Variants in SLC35F4 observed in about 807,000 individuals in gnomAD.
The protein encoded by SLC35F4 is solute carrier family 35 member F4.
Under a neutral mutation model 44.2 loss-of-function variants are expected in SLC35F4, and 24 were observed. That is an observed-to-expected ratio of 0.54 (90% CI 0.39 to 0.76). SLC35F4 has a LOEUF of 0.76. Ranked by LOEUF, SLC35F4 falls within the 30% of genes least tolerant of loss-of-function variation. SLC35F4 has a pLI of 0.00. For synonymous variants in SLC35F4, 238 were observed against 223.6 expected (o/e 1.06, Z -0.57); for missense variants, 562 against 586.1 (o/e 0.96, Z 0.42).
At chr14:57,914,344 A>C (rs1466618099) in intron 1 of SLC35F4, among the ~76,000 whole-genome samples, 9 of 151,992 alleles carry the variant, frequency 5.9e-5, no homozygotes, top group Non-Finnish European at 1.2e-4. Flanking sequence ...TGGCCAGATC[A>C]CAAGGTCAGG....
chr14:57,955,683 A>C (rs1285565041), intron 1 of SLC35F4, among the ~76,000 whole-genome samples: 1 of 152,336 alleles, frequency 6.6e-6, no homozygotes, highest in East Asian at 1.9e-4. Context: ...GTGAACTCCC[A>C]TTCACAATTG....
At chr14:57,926,832 C>T (rs1889584468) in intron 1 of SLC35F4, among the ~76,000 whole-genome samples, 1 of 149,320 alleles carries the variant, frequency 6.7e-6, no homozygotes, top group Non-Finnish European at 1.5e-5. Context: ...GAAGATATCA[C>T]CAGTGTTTCC....
intron 1 of SLC35F4, among the ~76,000 whole-genome samples, chr14:57,595,282 T>C (rs984369496): frequency 1.3e-5 from 2 of 152,228 alleles, no homozygotes; most frequent in Non-Finnish European, 2.9e-5. Flanking sequence ...TCATGGATTT[T>C]TCAGGAAGAA....
At chr14:57,761,925 T>G (rs2077134177) in intron 1 of SLC35F4, among the ~76,000 whole-genome samples, 1 of 152,120 alleles carries the variant, frequency 6.6e-6, no homozygotes, top group South Asian at 2.1e-4. Flanking sequence ...AAAAAGGTGT[T>G]GAGAGGCTCA....
At chr14:57,809,557 C>A (rs1251836385) in intron 1 of SLC35F4, among the ~76,000 whole-genome samples, 1 of 152,200 alleles carries the variant, frequency 6.6e-6, no homozygotes, top group Non-Finnish European at 1.5e-5. Context: ...CACATTGGAC[C>A]ATAGTGTGAA....
At chr14:57,614,434 A>G (rs567208817) in intron 1 of SLC35F4, among the ~76,000 whole-genome samples, 18 of 152,336 alleles carry the variant, frequency 1.2e-4, no homozygotes, top group South Asian at 8.3e-4. Flanking sequence ...CAGGTAACCC[A>G]TTAGCATCAA....
chr14:57,800,883 C>CTA (rs1284067400), intron 1 of SLC35F4, among the ~76,000 whole-genome samples: 1 of 152,122 alleles, frequency 6.6e-6, no homozygotes, highest in Non-Finnish European at 1.5e-5. Context: ...GAGACTGAAC[C>CTA]TATGACTGAT....
chr14:57,659,605 T>C (rs62004025), intron 1 of SLC35F4, among the ~76,000 whole-genome samples: 9,200 of 152,194 alleles, frequency 0.06, 407 homozygotes, highest in South Asian at 0.091. Flanking sequence ...CAAGGTCACA[T>C]AGATGGTAAA....
chr14:57,874,290 T>C (rs1413375652), intron 1 of SLC35F4, among the ~76,000 whole-genome samples: 1 of 152,228 alleles, frequency 6.6e-6, no homozygotes, highest in Admixed American at 6.5e-5. Flanking sequence ...TTCTCGACAG[T>C]GCATACTTAA....
At chr14:57,900,985 G>A (rs191635938) in intron 1 of SLC35F4, among the ~76,000 whole-genome samples, 15 of 152,100 alleles carry the variant, frequency 9.9e-5, no homozygotes, top group African/African-American at 2.9e-4. Context: ...ACCATCTCAC[G>A]CCAGTCAGAA....
At chr14:57,903,113 T>A (rs986361965) in intron 1 of SLC35F4, among the ~76,000 whole-genome samples, 2 of 152,234 alleles carry the variant, frequency 1.3e-5, no homozygotes, top group African/African-American at 4.8e-5. Flanking sequence ...GTGTTGAGCA[T>A]CTGGTACACT....
chr14:57,813,221 G>A (rs536676293), intron 1 of SLC35F4, among the ~76,000 whole-genome samples: 46 of 152,304 alleles, frequency 3.0e-4, no homozygotes, highest in African/African-American at 8.9e-4. Context: ...CCAACACCAC[G>A]CCCTACTGGG....
At chr14:57,575,513 A>AC (rs1489075787) in intron 4 of SLC35F4, among the ~76,000 whole-genome samples, 1 of 152,098 alleles carries the variant, frequency 6.6e-6, no homozygotes, top group East Asian at 1.9e-4. Context: ...GAAAAAAAAA[A>AC]CTCACCATTA....
At chr14:57,711,765 G>A (rs17093599) in intron 1 of SLC35F4, among the ~76,000 whole-genome samples, 8 of 152,122 alleles carry the variant, frequency 5.3e-5, no homozygotes, top group South Asian at 2.1e-4. Flanking sequence ...TTATCAAACC[G>A]AAGCGCAGAA....
At chr14:57,884,739 GTTA>G (rs1374512473) in intron 1 of SLC35F4, among the ~76,000 whole-genome samples, 1 of 152,030 alleles carries the variant, frequency 6.6e-6, no homozygotes, top group African/African-American at 2.4e-5. Context: ...TATTATAGAT[GTTA>G]TTATGACTAT....
chr14:57,611,924 T>C (rs1014922628), intron 1 of SLC35F4, among the ~76,000 whole-genome samples: 1 of 152,166 alleles, frequency 6.6e-6, no homozygotes, highest in African/African-American at 2.4e-5. Flanking sequence ...AGCTCAGATG[T>C]TGGTCACTGT....
chr14:57,870,375 T>C (rs1888272842), upstream of SLC35F4, among the ~76,000 whole-genome samples: 1 of 152,188 alleles, frequency 6.6e-6, no homozygotes, highest in Non-Finnish European at 1.5e-5. Flanking sequence ...TCTGACCTCA[T>C]CATTTTCTAG....
At chr14:57,641,737 C>A (rs965401726) in intron 1 of SLC35F4, among the ~76,000 whole-genome samples, 1 of 151,962 alleles carries the variant, frequency 6.6e-6, no homozygotes, top group Non-Finnish European at 1.5e-5. Context: ...CATAGAACAG[C>A]TATTACACTG....
At chr14:57,946,638 C>G (rs988488876) in intron 1 of SLC35F4, among the ~76,000 whole-genome samples, 10 of 151,766 alleles carry the variant, frequency 6.6e-5, no homozygotes, top group African/African-American at 2.4e-4. Flanking sequence ...CCATGCCTGG[C>G]TAATTTTTTG....
Sources: allele counts gnomAD v4.1 joint callset (sites outside exome capture counted in the v4.1 genomes callset), GRCh38; gene constraint gnomAD v4.1.1; transcripts MANE v1.5; gene names NCBI Gene and HGNC (gene_info 2026-07-23, HGNC 2026-07-21).